The following E2F3 variants were observed in gnomAD, a reference collection of about 807,000 sequenced individuals.
E2F3 encodes transcription factor E2F3.
A neutral mutation model predicts 44.4 loss-of-function variants in E2F3; 11 were observed. The ratio of observed to expected loss-of-function variants is 0.25; its 90% CI spans 0.16 to 0.41. E2F3 has a LOEUF of 0.41. Among genes scored for constraint, E2F3 ranks in the 10% least tolerant of loss-of-function variants. E2F3 has a pLI of 1.00. For synonymous variants in E2F3, 249 were observed against 253.0 expected (o/e 0.98, Z 0.15); for missense variants, 487 against 583.6 (o/e 0.83, Z 1.70).
Position 20,488,265 on chromosome 6 carries a change from T to C in E2F3, c.1135+17T>C. On this transcript the variant is annotated intron_variant, in intron 6 of 6. Transcript: ENST00000346618. ...CTTCCAAAGGTAAAAACTCCACTTT[T>C]GTCTTTTAGAAACTATGTTAAAAAT... 6 of 1,571,704 alleles carry C rather than the reference T, an allele frequency of 3.8e-6. No homozygotes were observed. The highest frequency in any genetic ancestry group is 2.2e-5 in the East Asian group (1 of 44,486).
chr6:20,452,990 T>TG (rs1761182415), intron 1 of E2F3, among the ~76,000 whole-genome samples: 2 of 41,082 alleles, frequency 4.9e-5, no homozygotes, highest in African/African-American at 1.6e-4. Context: ...TGTTTCTTTC[T>TG]TTTTGTTTGT....
chr6:20,471,313 T>C (rs761423217), intron 1 of E2F3, among the ~76,000 whole-genome samples: 3 of 152,234 alleles, frequency 2.0e-5, no homozygotes, highest in Admixed American at 6.5e-5. Context: ...CCGGGCACGG[T>C]GGCTCACACC....
intron 1 of E2F3, among the ~76,000 whole-genome samples, chr6:20,440,666 T>A (rs1363058153): frequency 6.6e-6 from 1 of 152,248 alleles, no homozygotes; most frequent in Non-Finnish European, 1.5e-5. Context: ...TGTTGATAGT[T>A]ACCATCTCTG....
chr6:20,406,551 T>A (rs958923682), intron 1 of E2F3, among the ~76,000 whole-genome samples: 6 of 152,216 alleles, frequency 3.9e-5, no homozygotes, highest in Admixed American at 3.9e-4. Context: ...CCCAATTAAT[T>A]TGGGCTTTTA....
In E2F3 at chr6:20,491,807, G is replaced by A. The variant is rs1561891752; in HGVS notation, c.*1377G>A. ...GAATAAGTTGGACCAAGGGAAGTCG[G>A]GGACGTAAAAAATGAAGCAAAACAA... On this transcript the variant is annotated 3_prime_UTR_variant, in exon 7 of 7. Transcript: ENST00000346618. 5.6e-6 allele frequency: 1 copy of A among 180,042 alleles called. No individual in the cohort carries two copies. Among genetic ancestry groups the A allele is most frequent in the Non-Finnish European group, 1.2e-5 (1 of 83,728 alleles). The allele number at this position is 180,042 out of a possible 1,614,324, so 11.2% of individuals were successfully genotyped here.
At chr6:20,480,528 T>C (rs1030959120) in intron 2 of E2F3, among the ~76,000 whole-genome samples, 9 of 152,210 alleles carry the variant, frequency 5.9e-5, no homozygotes, top group African/African-American at 2.2e-4. Flanking sequence ...GTTCTCTCTC[T>C]TCCTTTAGTT....
chr6:20,442,760 A>G (rs531531927), intron 1 of E2F3, among the ~76,000 whole-genome samples: 1 of 152,264 alleles, frequency 6.6e-6, no homozygotes, highest in East Asian at 1.9e-4. Flanking sequence ...ACCTGAGGTC[A>G]GGAGTTGGAG....
chr6:20,416,084 G>T (rs535322459), intron 1 of E2F3, among the ~76,000 whole-genome samples: 9 of 152,296 alleles, frequency 5.9e-5, no homozygotes, highest in African/African-American at 2.2e-4. Context: ...TTACTGTAAG[G>T]ATTGAATGCA....
intron 1 of E2F3, among the ~76,000 whole-genome samples, chr6:20,443,430 AT>A (rs1210950155): frequency 3.9e-5 from 6 of 152,174 alleles, no homozygotes; most frequent in African/African-American, 1.4e-4. Context: ...TTCTGGTAGC[AT>A]TATTGCCTTA....
intron 1 of E2F3, among the ~76,000 whole-genome samples, chr6:20,460,153 C>T (rs772231543): frequency 7.2e-5 from 11 of 152,328 alleles, no homozygotes; most frequent in Non-Finnish European, 1.2e-4. Flanking sequence ...GAACTTCTCA[C>T]GGGCTGACTG....
chr6:20,473,515 A>T (rs901800821), intron 1 of E2F3, among the ~76,000 whole-genome samples: 3 of 152,284 alleles, frequency 2.0e-5, no homozygotes, highest in African/African-American at 7.2e-5. Flanking sequence ...GTTGTGTAAT[A>T]ATTAATACTA....
intron 1 of E2F3, among the ~76,000 whole-genome samples, chr6:20,449,192 T>C (rs1761045166): frequency 6.6e-6 from 1 of 152,198 alleles, no homozygotes; most frequent in East Asian, 1.9e-4. Context: ...CATAATTTGA[T>C]TTCAATAACT....
intron 1 of E2F3, among the ~76,000 whole-genome samples, chr6:20,473,923 C>T (rs2127616348): frequency 6.6e-6 from 1 of 152,186 alleles, no homozygotes; most frequent in South Asian, 2.1e-4. Flanking sequence ...GAAGAGTCGT[C>T]CTAATGTTGA....
Position 20,486,790 on chromosome 6 carries a change from C to T in E2F3, c.986C>T (p.Pro329Leu). Residue 329 changes from proline to leucine, a missense_variant, in exon 5 of 7, where the codon CCT becomes CTT. Physicochemically the swap from Pro to Leu is moderately conservative, Grantham distance 98. Coordinates refer to ENST00000346618, the MANE Select transcript of E2F3 (RefSeq NM_001949.5). ...CCTCCAGAAACAAGACTTGAAGTGC[C>T]TGACTCAATAGAGGTAAGGAGACAG... ...KAPPETRLEVPDSIESLQIHL... is the reference protein window; with the variant it reads ...KAPPETRLEVLDSIESLQIHL... 6.2e-7 allele frequency: 1 copy of T among 1,610,504 alleles called. No homozygotes were observed.
Position 20,481,277 on chromosome 6 carries a change from C to A in E2F3, c.577C>A (p.Leu193Ile). The stretch of plus-strand genomic sequence containing the variant: ...TCTGCTCACCAAGAAGTTCATTCAG[C>A]TCCTGAGCCAGTCACCCGATGGGGT... The part of the protein sequence containing the change: ...LGLLTKKFIQ[L>I]LSQSPDGVLD... Residue 193 changes from leucine to isoleucine, a missense_variant, in exon 3 of 7, where the codon CTC becomes ATC. Physicochemically the swap from Leu to Ile is conservative, Grantham distance 5. This residue lies in a region of E2F3 where 29 missense variants were observed against 85.9 expected (regional missense o/e 0.34). Transcript: ENST00000346618. 1 of 1,614,148 alleles carries A rather than the reference C, an allele frequency of 6.2e-7. No homozygotes were observed. Among genetic ancestry groups the A allele is most frequent in the Non-Finnish European group, 8.5e-7 (1 of 1,180,022 alleles).
intron 1 of E2F3, chr6:20,403,758 C>T (rs1222885389): frequency 2.7e-6 from 4 of 1,489,462 alleles, no homozygotes; most frequent in Non-Finnish European, 2.7e-6. Context: ...TTCGGCCCTC[C>T]GGGCCCCCTC....
At chr6:20,456,993 C>T (rs1030887663) in intron 1 of E2F3, among the ~76,000 whole-genome samples, 48 of 152,254 alleles carry the variant, frequency 3.2e-4, no homozygotes, top group African/African-American at 1.1e-3. Context: ...GGTGAGGTTT[C>T]CAGGCTTCGA....
chr6:20,472,102 T>G (rs988539720), intron 1 of E2F3, among the ~76,000 whole-genome samples: 14 of 149,968 alleles, frequency 9.3e-5, no homozygotes, highest in African/African-American at 3.4e-4. Flanking sequence ...TTGGTAACAT[T>G]GGAGCTTTGT....
chr6:20,410,796 A>G (rs1475766204), intron 1 of E2F3, among the ~76,000 whole-genome samples: 4 of 152,052 alleles, frequency 2.6e-5, no homozygotes, highest in African/African-American at 9.7e-5. Flanking sequence ...TTTTATTTGT[A>G]TTTTTAGTAG....
Sources: allele counts gnomAD v4.1 joint callset (sites outside exome capture counted in the v4.1 genomes callset), GRCh38; gene constraint gnomAD v4.1.1; regional missense constraint gnomAD v4.1.1; transcripts MANE v1.5; gene names NCBI Gene and HGNC (gene_info 2026-07-23, HGNC 2026-07-21).